The following LHX5 variants were observed in gnomAD, a reference collection of about 807,000 sequenced individuals.
LHX5 encodes LIM/homeobox protein Lhx5.
In LHX5, 5 loss-of-function variants were observed where a neutral mutation model predicts 30.6. That is an observed-to-expected ratio of 0.16 (90% confidence interval 0.09 to 0.34). The LOEUF (loss-of-function observed/expected upper bound fraction) is 0.34, where lower values mean the gene tolerates loss of function less well. Ranked by LOEUF, LHX5 falls within the 10% of genes least tolerant of loss-of-function variation. The pLI is 1.00. For synonymous variants in LHX5, 266 were observed against 252.6 expected (o/e 1.05, Z -0.50); for missense variants, 458 against 570.6 (o/e 0.80, Z 2.01).
chr12:113,469,074 T>C, intron 2 of LHX5, 48 bp downstream of exon 2: 2 of 1,419,180 alleles, frequency 1.4e-6, no homozygotes, highest in South Asian at 2.6e-5. Context: ...CTGGGCACGG[T>C]GGGAGGGTGC....
Position 113,464,139 on chromosome 12 carries a change from G to C in LHX5, c.842-582C>G, listed in dbSNP as rs1262732839. Among the ~76,000 whole-genome samples, 1 of 152,226 alleles carries C rather than the reference G, an allele frequency of 6.6e-6. No homozygotes were observed. Among genetic ancestry groups the C allele is most frequent in the South Asian group, 2.1e-4 (1 of 4,826 alleles). On this transcript the variant is annotated intron_variant, in intron 4 of 4. Coordinates refer to ENST00000261731, the MANE Select transcript of LHX5 (RefSeq NM_022363.3). This position sits in a 1 kb window ranked among gnomAD's most constrained non-coding sequence, Gnocchi z 6.2. ...ACGCAGAGAGAGGAAAGACGGCCGC[G>C]GTTAGAGACACGCGTGGAAACCCCC...
chr12:113,467,178 C>T lies in LHX5; in HGVS notation c.841+78G>A. ...GGCGATGTTCTGGAGCGGCGGAAAG[C>T]GTGCTGGCCGGGACCCTTCGCCCTC... On this transcript the variant is annotated intron_variant, in intron 4 of 4. Transcript: ENST00000261731. The surrounding 1 kb of genome is among the most constrained non-coding windows in gnomAD (Gnocchi z 6.3). The T allele has an allele frequency of 7.6e-7, 1 of 1,323,026 alleles. No individual in the cohort carries two copies. Among genetic ancestry groups the T allele is most frequent in the Non-Finnish European group, 9.8e-7 (1 of 1,018,852 alleles). The allele number at this position is 1,323,026 out of a possible 1,614,324, so 82.0% of individuals were successfully genotyped here.
chr12:113,467,179 G>T lies in LHX5; in HGVS notation c.841+77C>A. ...GCGATGTTCTGGAGCGGCGGAAAGC[G>T]TGCTGGCCGGGACCCTTCGCCCTCA... On this transcript the variant is annotated intron_variant, in intron 4 of 4. Transcript: ENST00000261731. This position sits in a 1 kb window ranked among gnomAD's most constrained non-coding sequence, Gnocchi z 6.3. 7.5e-7 allele frequency: 1 copy of T among 1,331,364 alleles called. No individual in the cohort carries two copies. Among genetic ancestry groups the T allele is most frequent in the Non-Finnish European group, 9.8e-7 (1 of 1,024,984 alleles). 82.5% of individuals were successfully genotyped at this position (1,331,364 alleles called of 1,614,324 possible).
chr12:113,467,484 C>T lies in LHX5; in HGVS notation c.676-63G>A, dbSNP rs1958222212. 1 of 1,346,982 alleles carries T rather than the reference C, an allele frequency of 7.4e-7. No homozygotes were observed. Among genetic ancestry groups the T allele is most frequent in the Non-Finnish European group, 9.7e-7 (1 of 1,027,470 alleles). The allele number at this position is 1,346,982 out of a possible 1,614,324, so 83.4% of individuals were successfully genotyped here. On this transcript the variant is annotated intron_variant, in intron 3 of 4. Coordinates refer to ENST00000261731, the MANE Select transcript of LHX5 (RefSeq NM_022363.3). This position sits in a 1 kb window ranked among gnomAD's most constrained non-coding sequence, Gnocchi z 6.3. ...AGTGTCCTCTCCCCCCCTCTTCTCC[C>T]TTCCCTGACTGGGCTGCCCCTGCTG...
At position 113,463,031 on chromosome 12, in the gene LHX5, C is replaced by A; in HGVS notation, c.*159G>T. The A allele has an allele frequency of 1.5e-6, 1 of 658,832 alleles. No homozygotes were observed. Among genetic ancestry groups the A allele is most frequent in the Non-Finnish European group, 2.4e-6 (1 of 420,362 alleles). The allele number at this position is 658,832 out of a possible 1,614,324, so 40.8% of individuals were successfully genotyped here. A position where few individuals can be genotyped will look rare whatever the true frequency, so the allele number is the denominator to read the frequency against. ...GATGGGGGTCGGCCCCCCCTCGGCG[C>A]CCAGCCGAGGAGCAGCTGCCAGTTG... On this transcript the variant is annotated 3_prime_UTR_variant, in exon 5 of 5. Coordinates refer to ENST00000261731, the MANE Select transcript of LHX5 (RefSeq NM_022363.3). The surrounding 1 kb of genome is among the most constrained non-coding windows in gnomAD (Gnocchi z 6.7).
At chr12:113,470,637 C>A (rs1565887923) in intron 1 of LHX5, among the ~76,000 whole-genome samples, 2 of 152,214 alleles carry the variant, frequency 1.3e-5, no homozygotes, top group African/African-American at 4.8e-5. Flanking sequence ...CAGTGGCTTC[C>A]AGGCTGGGGA....
In LHX5 at chr12:113,466,034, G is replaced by T. The variant is rs189113543; in HGVS notation, c.841+1222C>A. On this transcript the variant is annotated intron_variant, in intron 4 of 4. Coordinates refer to ENST00000261731, the MANE Select transcript of LHX5 (RefSeq NM_022363.3). This position sits in a 1 kb window ranked among gnomAD's most constrained non-coding sequence, Gnocchi z 6.5. ...GTCTCAAGGTCTAATCCCCCCTCAG[G>T]CTTCCGGATGTGCTGAGGTTAGTGA... Among the ~76,000 whole-genome samples, 1 of 152,300 alleles carries T rather than the reference G, an allele frequency of 6.6e-6. No homozygotes were observed. The highest frequency in any genetic ancestry group is 1.5e-5 in the Non-Finnish European group (1 of 68,030).
rs1593327836 is a variant in LHX5, at chr12:113,467,167, G to A, written c.841+89C>T. The A allele has an allele frequency of 2.3e-6, 3 of 1,277,870 alleles. No homozygotes were observed. The African/African-American group carries it at 4.5e-5, about 19-fold the overall frequency. 79.2% of individuals were successfully genotyped at this position (1,277,870 alleles called of 1,614,324 possible). A position where few individuals can be genotyped will look rare whatever the true frequency, so the allele number is the denominator to read the frequency against. On this transcript the variant is annotated intron_variant, in intron 4 of 4. Transcript: ENST00000261731. The surrounding 1 kb of genome is among the most constrained non-coding windows in gnomAD (Gnocchi z 6.3). ...TCCAGCGAGTGGGCGATGTTCTGGA[G>A]CGGCGGAAAGCGTGCTGGCCGGGAC...
At position 113,467,343 on chromosome 12, in the gene LHX5, A is replaced by C; in HGVS notation, c.754T>G (p.Phe252Val). ...SALGARRHAF[F>V]RSPRRMRPLG... ...GGACGCATGCGCCGCGGACTCCGGA[A>C]GAAGGCGTGCCTCCGGGCGCCTAGG... The change falls in exon 4 of 5, where the codon TTC (phenylalanine) becomes GTC (valine). Residue 252 changes from phenylalanine to valine, a missense_variant. Physicochemically the swap from Phe to Val is conservative, Grantham distance 50. Coordinates refer to ENST00000261731, the MANE Select transcript of LHX5 (RefSeq NM_022363.3). The surrounding 1 kb of genome is among the most constrained non-coding windows in gnomAD (Gnocchi z 6.3). 2 of 1,588,898 alleles carry C rather than the reference A, an allele frequency of 1.3e-6. No homozygotes were observed. Among genetic ancestry groups the C allele is most frequent in the Admixed American group, 3.5e-5 (2 of 57,840 alleles).
Position 113,463,177 on chromosome 12 carries a change from C to A in LHX5, c.*13G>T, listed in dbSNP as rs1171635180. ...GCCCCCGGGGGCCGAGCGCGGGGGG[C>A]GGCCCGGCGGCCTTACCACACGGCG... On this transcript the variant is annotated 3_prime_UTR_variant, in exon 5 of 5. Transcript: ENST00000261731. This position sits in a 1 kb window ranked among gnomAD's most constrained non-coding sequence, Gnocchi z 6.7. 2.0e-6 allele frequency: 3 copies of A among 1,489,696 alleles called. No individual in the cohort carries two copies. Among genetic ancestry groups the A allele is most frequent in the East Asian group, 2.7e-5 (1 of 36,680 alleles). The allele number at this position is 1,489,696 out of a possible 1,614,324, so 92.3% of individuals were successfully genotyped here. A position where few individuals can be genotyped will look rare whatever the true frequency, so the allele number is the denominator to read the frequency against.
chr12:113,471,764 G>C lies in LHX5; in HGVS notation c.-266C>G. On this transcript the variant is annotated 5_prime_UTR_variant, in exon 1 of 5. Coordinates refer to ENST00000261731, the MANE Select transcript of LHX5 (RefSeq NM_022363.3). ...CGGCGCCTGTTCCGGGCTTCCCCAG[G>C]TATCTCGGGTGGCTGCTGGCCTCGG... 1 of 452,622 alleles carries C rather than the reference G, an allele frequency of 2.2e-6. No individual in the cohort carries two copies. The highest frequency in any genetic ancestry group is 3.9e-6 in the Non-Finnish European group (1 of 257,896). 28.0% of individuals were successfully genotyped at this position (452,622 alleles called of 1,614,324 possible).
In LHX5 at chr12:113,471,774, T is replaced by C; in HGVS notation, c.-276A>G. 2.3e-6 allele frequency: 1 copy of C among 443,292 alleles called. No individual in the cohort carries two copies. Among genetic ancestry groups the C allele is most frequent in the East Asian group, 3.8e-5 (1 of 26,394 alleles). The allele number at this position is 443,292 out of a possible 1,614,324, so 27.5% of individuals were successfully genotyped here. ...TCCGGGCTTCCCCAGGTATCTCGGG[T>C]GGCTGCTGGCCTCGGCGCTGCGGAG... On this transcript the variant is annotated 5_prime_UTR_variant, in exon 1 of 5. Transcript: ENST00000261731.
rs779419542 is a variant in LHX5, at chr12:113,469,326, C to A, written c.193G>T (p.Ala65Ser). The change falls in exon 2 of 5, where the codon GCC becomes TCC. Residue 65 changes from alanine to serine, a missense_variant. This residue lies in a region of LHX5 where 178 missense variants were observed against 238.5 expected (regional missense o/e 0.75). Transcript: ENST00000261731. ...DFFRRFGTKC[A>S]GCAQGISPSD... ...GGCGAGATGCCTTGCGCGCAGCCGG[C>A]GCATTTCGTGCCAAAGCGCCTGTGG... The A allele has an allele frequency of 1.2e-6, 2 of 1,613,130 alleles. No homozygotes were observed. Among genetic ancestry groups the A allele is most frequent in the Admixed American group, 1.7e-5 (1 of 60,002 alleles).
At position 113,466,003 on chromosome 12, in the gene LHX5, G is replaced by A. The variant is rs906761235; in HGVS notation, c.841+1253C>T. Among the ~76,000 whole-genome samples the A allele has an allele frequency of 2.0e-4, 31 of 152,144 alleles. No homozygotes were observed. Among genetic ancestry groups the A allele is most frequent in the African/African-American group, 7.5e-4 (31 of 41,418 alleles). On this transcript the variant is annotated intron_variant, in intron 4 of 4. Transcript: ENST00000261731. This position sits in a 1 kb window ranked among gnomAD's most constrained non-coding sequence, Gnocchi z 6.5. ...TTTGCCCACAATTTCTAGGGGCCCC[G>A]GTCCGGTCTCAAGGTCTAATCCCCC...
chr12:113,464,974 T>C lies in LHX5; in HGVS notation c.842-1417A>G, dbSNP rs1593327062. On this transcript the variant is annotated intron_variant, in intron 4 of 4. Coordinates refer to ENST00000261731, the MANE Select transcript of LHX5 (RefSeq NM_022363.3). This position sits in a 1 kb window ranked among gnomAD's most constrained non-coding sequence, Gnocchi z 6.2. ...GGGACGTCACGAAAGGACCACCTTG[T>C]ACCAGGCACCCGCTTTGTACGGCGG... 6.6e-6 allele frequency among the ~76,000 whole-genome samples: 1 copy of C among 152,150 alleles called. No homozygotes were observed. The highest frequency in any genetic ancestry group is 2.4e-5 in the African/African-American group (1 of 41,440).
Position 113,467,467 on chromosome 12 carries a change from C to G in LHX5, c.676-46G>C. The G allele has an allele frequency of 7.2e-7, 1 of 1,395,780 alleles. No individual in the cohort carries two copies. Among genetic ancestry groups the G allele is most frequent in the Non-Finnish European group, 9.4e-7 (1 of 1,061,020 alleles). The allele number at this position is 1,395,780 out of a possible 1,614,324, so 86.5% of individuals were successfully genotyped here. ...GTGAACCCAGGATCAGGAGTGTCCT[C>G]TCCCCCCCTCTTCTCCCTTCCCTGA... On this transcript the variant is annotated intron_variant, in intron 3 of 4. Transcript: ENST00000261731. The surrounding 1 kb of genome is among the most constrained non-coding windows in gnomAD (Gnocchi z 6.3).
rs1176694223 is a variant in LHX5 at position 113,471,432 on chromosome 12, G to A, written c.67C>T (p.Arg23Cys). The change falls in exon 1 of 5, where the codon CGC becomes TGC. Residue 23 changes from arginine to cysteine, a missense_variant. Around this residue, in one of 3 missense-constraint regions of LHX5, gnomAD observed 178 missense variants for 238.5 expected, o/e 0.75. Coordinates refer to ENST00000261731, the MANE Select transcript of LHX5 (RefSeq NM_022363.3). ...LDRFLLNVLD[R>C]AWHIKCVQCC... ...TGAACACATTTGATGTGCCACGCGC[G>A]GTCCAGCACGTTCAGCAGAAAGCGG... 3 of 1,612,800 alleles carry A rather than the reference G, an allele frequency of 1.9e-6. No individual in the cohort carries two copies. The highest frequency in any genetic ancestry group is 2.2e-5 in the East Asian group (1 of 44,836).
In LHX5 at chr12:113,467,362, G is replaced by T. The variant is rs1304505402; in HGVS notation, c.735C>A (p.Gly245=). The T allele has an allele frequency of 6.3e-7, 1 of 1,588,690 alleles. No homozygotes were observed. Among genetic ancestry groups the T allele is most frequent in the Admixed American group, 1.7e-5 (1 of 57,706 alleles). The stretch of plus-strand genomic sequence containing the variant: ...TCCGGAAGAAGGCGTGCCTCCGGGC[G>T]CCTAGGGCGCTCAGCTGTTTCATCC... The part of the protein sequence containing the change: ...ERRMKQLSAL[G]ARRHAFFRSP... The change falls in exon 4 of 5, where the codon GGC becomes GGA. Residue 245 remains glycine (G), a synonymous_variant. Coordinates refer to ENST00000261731, the MANE Select transcript of LHX5 (RefSeq NM_022363.3). The surrounding 1 kb of genome is among the most constrained non-coding windows in gnomAD (Gnocchi z 6.3).
In LHX5 at chr12:113,471,624, C is replaced by T; in HGVS notation, c.-126G>A. On this transcript the variant is annotated 5_prime_UTR_variant, in exon 1 of 5. Coordinates refer to ENST00000261731, the MANE Select transcript of LHX5 (RefSeq NM_022363.3). Reference sequence around the variant, plus strand: ...AGCTGCAGGGCGAGTCTGGTCCGGACCAAGACTCAGCCGGTCCAGTCCTTG... The same window carrying T: ...AGCTGCAGGGCGAGTCTGGTCCGGATCAAGACTCAGCCGGTCCAGTCCTTG... 1.1e-6 allele frequency: 1 copy of T among 936,542 alleles called. No individual in the cohort carries two copies. Among genetic ancestry groups the T allele is most frequent in the Non-Finnish European group, 1.6e-6 (1 of 639,334 alleles). The allele number at this position is 936,542 out of a possible 1,614,324, so 58.0% of individuals were successfully genotyped here. A position where few individuals can be genotyped will look rare whatever the true frequency, so the allele number is the denominator to read the frequency against.
Sources: gnomAD v4.1 joint callset for allele counts (sites outside exome capture counted in the v4.1 genomes callset) on GRCh38, gnomAD v4.1.1 for gene constraint, gnomAD v4.1.1 regional missense constraint, Gnocchi (gnomAD v3.1) non-coding constraint, MANE v1.5 for transcripts, NCBI Gene and HGNC (gene_info 2026-07-23, HGNC 2026-07-21) for gene names.